PCM1: variants seen among roughly 807,000 people sequenced by gnomAD.
PCM1 encodes the protein pericentriolar material 1 protein.
Under a neutral mutation model 241.9 loss-of-function variants are expected in PCM1, and 157 were observed. That is an observed-to-expected ratio of 0.65 (90% CI 0.57 to 0.74). The LOEUF is 0.74. Among genes scored for constraint, PCM1 ranks in the 30% least tolerant of loss-of-function variants. The pLI, the probability that PCM1 is intolerant of heterozygous loss-of-function variation, is 0.00. For synonymous variants in PCM1, 1,085 were observed against 784.9 expected (o/e 1.38, Z -6.39); for missense variants, 3,478 against 2,360.1 (o/e 1.47, Z -9.81).
In PCM1 at chr8:18,009,659, A is replaced by G; in HGVS notation, c.5075A>G (p.Asp1692Gly). The G allele has an allele frequency of 6.3e-7, 1 of 1,582,206 alleles. No individual in the cohort carries two copies. Among genetic ancestry groups the G allele is most frequent in the East Asian group, 2.3e-5 (1 of 44,238 alleles). ...TTGGCTTTCTTTAAGCTTATGCAAG[A>G]TTTGGATAATAATAGTATAACTGTT... ...NELAFFKLMQ[D>G]LDNNSITVKQ... Residue 1692 changes from aspartate (D) to glycine (G), a missense_variant, in exon 31 of 39, where the codon GAT becomes GGT. Transcript: ENST00000325083.
Position 17,962,108 on chromosome 8 carries a change from T to G in PCM1, c.2397T>G (p.Asn799Lys). 1.2e-6 allele frequency: 2 copies of G among 1,611,432 alleles called. No homozygotes were observed. The highest frequency in any genetic ancestry group is 1.7e-6 in the Non-Finnish European group (2 of 1,178,342). ...CTGTTACTTCAACCCCAACTGTTAA[T>G]CAACACGAGACCAGTACAAGCAAAT... ...MPAVTSTPTV[N>K]QHETSTSKSV... Residue 799 changes from asparagine (N) to lysine (K), a missense_variant, in exon 16 of 39, where the codon AAT (asparagine) becomes AAG (lysine). Transcript: ENST00000325083.
At chr8:18,018,869 TATATATATATACACAC>T (rs1227335775) in intron 36 of PCM1, among the ~76,000 whole-genome samples, 6 of 66,130 alleles carry the variant, frequency 9.1e-5, no homozygotes, top group East Asian at 6.2e-4. Context: ...TATATATATA[TATATATATATACACAC>T]ACATATACAT....
rs777618156 is a variant in PCM1 at position 17,957,487 on chromosome 8, G to A, written c.1805-53G>A. ...TCTTACAAAGTGGGTTTTCGTTCAT[G>A]TGTGCTCTTTCCTTTAAAAGTTACT... On this transcript the variant is annotated intron_variant, in intron 12 of 38. Transcript: ENST00000325083. 9 of 1,604,602 alleles carry A rather than the reference G, an allele frequency of 5.6e-6. No individual in the cohort carries two copies. The East Asian group carries it at 1.8e-4, about 32-fold the overall frequency.
At chr8:17,940,082 C>G (rs1290125873) in intron 6 of PCM1, 2 of 1,580,884 alleles carry the variant, frequency 1.3e-6, no homozygotes, top group East Asian at 2.2e-5. Context: ...ACTATAGATT[C>G]AGCTGTGGGA....
At chr8:18,009,410 TCTTTAGTAATA>T (rs2092101395) in intron 30 of PCM1, 126 bp from the exon 31 acceptor site, 1 of 625,060 alleles carries the variant, frequency 1.6e-6, no homozygotes, top group Non-Finnish European at 2.8e-6. Context: ...ATAGCAGTAT[TCTTTAGTAATA>T]CTAACAACCT....
chr8:18,010,730 C>T (rs1008887094), intron 32 of PCM1, 62 bp downstream of exon 32: 33 of 1,255,120 alleles, frequency 2.6e-5, no homozygotes, highest in Middle Eastern at 2.4e-4. Context: ...CCCCCGTAAT[C>T]GCAGCCCTTT....
chr8:17,982,356 T>C (rs1164291680), intron 24 of PCM1, among the ~76,000 whole-genome samples: 1 of 152,192 alleles, frequency 6.6e-6, no homozygotes, highest in Non-Finnish European at 1.5e-5. Context: ...TATCAATTAC[T>C]TAAATAATAA....
intron 29 of PCM1, among the ~76,000 whole-genome samples, chr8:18,002,988 C>A (rs1432611495): frequency 6.6e-6 from 1 of 152,204 alleles, no homozygotes; most frequent in Non-Finnish European, 1.5e-5. Context: ...GCCTGGAATG[C>A]TCTTCCTTCA....
chr8:18,014,958 G>T, intron 36 of PCM1, 118 bp downstream of exon 36: 1 of 890,906 alleles, frequency 1.1e-6, no homozygotes, highest in South Asian at 2.0e-5. Context: ...AGAACATGTT[G>T]GAACATTTTT....
At chr8:17,941,460 C>T (rs577354379) in intron 6 of PCM1, among the ~76,000 whole-genome samples, 3 of 151,076 alleles carry the variant, frequency 2.0e-5, no homozygotes, top group Non-Finnish European at 4.4e-5. Context: ...AAGCAACAGT[C>T]TAGTCTACAG....
chr8:17,957,240 T>C (rs756717281), intron 11 of PCM1, 24 bp from the exon 12 acceptor site: 10 of 1,562,812 alleles, frequency 6.4e-6, no homozygotes, highest in Non-Finnish European at 6.9e-6. Flanking sequence ...CTTAAATGAC[T>C]TCAGGCTGTT....
At chr8:18,008,521 A>C (rs1489600522) in intron 30 of PCM1, among the ~76,000 whole-genome samples, 3 of 152,038 alleles carry the variant, frequency 2.0e-5, no homozygotes, top group African/African-American at 7.2e-5. Context: ...TGGTTGGGGG[A>C]AAAGTTGTCT....
At position 18,024,754 on chromosome 8, in the gene PCM1, A is replaced by G. The variant is rs1044108326; in HGVS notation, c.5842-607A>G. Among the ~76,000 whole-genome samples, 6 of 152,318 alleles carry G rather than the reference A, an allele frequency of 3.9e-5. No individual in the cohort carries two copies. The East Asian group carries it at 1.2e-3, about 29-fold the overall frequency. On this transcript the variant is annotated intron_variant, in intron 36 of 38. Coordinates refer to ENST00000325083, the MANE Select transcript of PCM1 (RefSeq NM_006197.4). ...GCTAGATTGGGGGATCTACTATTAT[A>G]TAAGTATGAAATATAAGCTGAACAG...
Position 17,933,586 on chromosome 8 carries a change from C to G in PCM1, c.-22-2003C>G, listed in dbSNP as rs1015868645. 6.6e-5 allele frequency among the ~76,000 whole-genome samples: 10 copies of G among 152,044 alleles called. No individual in the cohort carries two copies. The East Asian group carries it at 1.7e-3, about 26-fold the overall frequency. ...TTCTACTTATTCACATTTTTTCTCC[C>G]ATATTGTTTTATAGAGTTTAATAGT... On this transcript the variant is annotated intron_variant, in intron 2 of 38. Transcript: ENST00000325083.
intron 1 of PCM1, among the ~76,000 whole-genome samples, 190 bp downstream of exon 1, chr8:17,923,378 C>G (rs1405718314): frequency 6.6e-6 from 1 of 152,226 alleles, no homozygotes; most frequent in African/African-American, 2.4e-5. Context: ...TCCCTCAGGA[C>G]TGATCGCCGG....
Position 18,011,735 on chromosome 8 carries a change from G to C in PCM1, c.5419G>C (p.Glu1807Gln), listed in dbSNP as rs755606707. 2.5e-6 allele frequency: 4 copies of C among 1,613,448 alleles called. No homozygotes were observed. Among genetic ancestry groups the C allele is most frequent in the Non-Finnish European group, 3.4e-6 (4 of 1,179,584 alleles). Residue 1807 changes from glutamate to glutamine, a missense_variant, in exon 34 of 39, where the codon GAA (glutamate) becomes CAA (glutamine). Coordinates refer to ENST00000325083, the MANE Select transcript of PCM1 (RefSeq NM_006197.4). ...TGGAGAAGATGAAAATGAGGATGAAGAAATGGAAGAATTTGAAGAAGGCCC... is the reference window on the plus strand; with the variant it reads ...TGGAGAAGATGAAAATGAGGATGAACAAATGGAAGAATTTGAAGAAGGCCC... ...GSGEDENEDEEMEEFEEGPVD... is the reference protein window; with the variant it reads ...GSGEDENEDEQMEEFEEGPVD...
chr8:17,979,982 G>A (rs1029906330), intron 23 of PCM1, among the ~76,000 whole-genome samples: 2 of 151,502 alleles, frequency 1.3e-5, no homozygotes, highest in Non-Finnish European at 2.9e-5. Context: ...CCAAATATTG[G>A]AATTTAATAT....
At chr8:18,025,950 G>T (rs1438280131) in intron 38 of PCM1, among the ~76,000 whole-genome samples, 2 of 151,806 alleles carry the variant, frequency 1.3e-5, no homozygotes, top group East Asian at 2.0e-4. Context: ...GGATCACGAG[G>T]TCAGGAGATG....
chr8:17,964,683 G>A lies in PCM1; in HGVS notation c.2770G>A (p.Asp924Asn). Reference sequence around the variant, plus strand: ...AGATGAAGAGGAGGAAGAAGAGCAAGATGCCAGTTCCAATGATAACTTTTC... The same window carrying A: ...AGATGAAGAGGAGGAAGAAGAGCAAAATGCCAGTTCCAATGATAACTTTTC... ...RTDEEEEEEQ[D>N]ASSNDNFSVC... is the part of the protein sequence containing the mutation. The change falls in exon 18 of 39, where the codon GAT (aspartate) becomes AAT (asparagine). Residue 924 changes from aspartate to asparagine, a missense_variant. Asp to Asn is a conservative substitution (Grantham distance 23, BLOSUM62 1). Transcript: ENST00000325083. 6.2e-7 allele frequency: 1 copy of A among 1,613,944 alleles called. No homozygotes were observed. The highest frequency in any genetic ancestry group is 8.5e-7 in the Non-Finnish European group (1 of 1,179,818).
Sources: gnomAD v4.1 joint callset for allele counts (sites outside exome capture counted in the v4.1 genomes callset) on GRCh38, gnomAD v4.1.1 for gene constraint, MANE v1.5 for transcripts, NCBI Gene and HGNC (gene_info 2026-07-23, HGNC 2026-07-21) for gene names.